The following UGT1A6 variants were observed in gnomAD, a reference collection of about 807,000 sequenced individuals.
The protein encoded by UGT1A6 is UDP-glucuronosyltransferase 1A6.
A neutral mutation model predicts 44.4 loss-of-function variants in UGT1A6; 32 were observed. The ratio of observed to expected loss-of-function variants is 0.72; its 90% confidence interval spans 0.54 to 0.97. The LOEUF (loss-of-function observed/expected upper bound fraction) is 0.97. Ranked by LOEUF, UGT1A6 falls within the 50% of genes least tolerant of loss-of-function variation. UGT1A6 has a pLI of 0.00. For synonymous variants in UGT1A6, 238 were observed against 248.5 expected, an observed-to-expected ratio of 0.96 and a Z score of 0.40; for missense variants, 685 against 661.9, an observed-to-expected ratio of 1.03 and a Z score of -0.38.
Position 233,768,285 on chromosome 2 carries a change from A to G in UGT1A6, c.1147A>G (p.Asn383Asp), listed in dbSNP as rs777289979. 6 of 1,614,202 alleles carry G rather than the reference A, an allele frequency of 3.7e-6. No individual in the cohort carries two copies. In the South Asian group the frequency reaches 6.6e-5, roughly 18 times the overall value. ...GSHGVYESIC[N>D]GVPMVMMPLF... is the part of the protein sequence containing the mutation. ...CCATGGTGTTTATGAAAGCATATGC[A>G]ATGGCGTTCCCATGGTGATGATGCC... Residue 383 changes from asparagine to aspartate, a missense_variant, in exon 4 of 5, where the codon AAT becomes GAT. By Grantham distance (23) the Asn-to-Asp change is conservative. Coordinates refer to ENST00000305139, the MANE Select transcript of UGT1A6 (RefSeq NM_001072.4).
At chr2:233,748,007 C>T (rs1468299644) in intron 1 of UGT1A6, 2 of 1,613,408 alleles carry the variant, frequency 1.2e-6, no homozygotes, top group Admixed American at 1.7e-5. Context: ...TGATGGATTA[C>T]CCCAGGCCGA....
chr2:233,743,310 G>T, intron 1 of UGT1A6: 2 of 644,780 alleles, frequency 3.1e-6, no homozygotes, highest in Non-Finnish European at 5.0e-6. Context: ...TCTTGGTGGT[G>T]ATTTTTTTAC....
intron 1 of UGT1A6, among the ~76,000 whole-genome samples, chr2:233,761,639 G>A (rs1340532947): frequency 3.9e-5 from 6 of 152,230 alleles, no homozygotes; most frequent in Non-Finnish European, 5.9e-5. Context: ...CCTGCAGTCC[G>A]TTCTCTTCTA....
intron 2 of UGT1A6, 73 bp from the exon 3 acceptor site, chr2:233,767,776 G>A: frequency 1.2e-6 from 2 of 1,612,490 alleles, no homozygotes; most frequent in Admixed American, 1.7e-5. Context: ...CTGTTTTCTA[G>A]TTAGTATAGC....
intron 1 of UGT1A6, among the ~76,000 whole-genome samples, chr2:233,738,477 G>C (rs971989724): frequency 6.6e-6 from 1 of 152,224 alleles, no homozygotes; most frequent in African/African-American, 2.4e-5. Context: ...GAACTTCCTG[G>C]AGACTTGTTG....
chr2:233,761,218 C>T (rs1697719268), intron 1 of UGT1A6: 4 of 1,613,576 alleles, frequency 2.5e-6, no homozygotes, highest in Middle Eastern at 1.6e-4. Flanking sequence ...GATCGATTAA[C>T]TAGCCCCAGA....
At chr2:233,757,553 T>TATATATATATATATACATATAC (rs1164104376) in intron 1 of UGT1A6, among the ~76,000 whole-genome samples, 4 of 136,130 alleles carry the variant, frequency 2.9e-5, no homozygotes, top group Admixed American at 7.1e-5. Context: ...TATATATATA[T>TATATATATATATATACATATAC]ATATATATGT....
chr2:233,710,917 C>T (rs1215243421), intron 1 of UGT1A6, among the ~76,000 whole-genome samples: 1 of 152,212 alleles, frequency 6.6e-6, no homozygotes, highest in Non-Finnish European at 1.5e-5. Context: ...GGTCTTTAGA[C>T]CACTTAGTCT....
chr2:233,713,306 T>A, intron 1 of UGT1A6: 1 of 1,614,234 alleles, frequency 6.2e-7, no homozygotes, highest in Non-Finnish European at 8.5e-7. Flanking sequence ...AAACAGAACA[T>A]CTTCTGATGA....
intron 1 of UGT1A6, among the ~76,000 whole-genome samples, chr2:233,724,475 T>C (rs568755731): frequency 9.3e-4 from 64 of 68,704 alleles, no homozygotes; most frequent in Middle Eastern, 7.8e-3. Flanking sequence ...GGCTCCTCAC[T>C]TCTCAGACGG....
rs3064744 is a variant in UGT1A6, at chr2:233,760,233, C to CAT, written c.862-6787_862-6786dup. 448,036 of 1,466,600 alleles carry CAT rather than the reference C, an allele frequency of 0.31. 31,217 individuals are homozygous for CAT. The highest frequency in any genetic ancestry group is 0.38 in the African/African-American group (27,001 of 71,942). The allele number at this position is 1,466,600 out of a possible 1,614,324, so 90.8% of individuals were successfully genotyped here. ...ACTTGGTGTATCGATTGGTTTTTGC[C>CAT]ATATATATATATATAAGTAGGAGAG... On this transcript the variant is annotated intron_variant, in intron 1 of 4. Coordinates refer to ENST00000305139, the MANE Select transcript of UGT1A6 (RefSeq NM_001072.4).
At chr2:233,724,292 C>T (rs1379070155) in intron 1 of UGT1A6, among the ~76,000 whole-genome samples, 3 of 129,054 alleles carry the variant, frequency 2.3e-5, no homozygotes, top group African/African-American at 9.1e-5. Context: ...GGGGGGCTGA[C>T]CCCCCCACCT....
intron 1 of UGT1A6, chr2:233,719,812 C>G: frequency 6.3e-7 from 1 of 1,587,558 alleles, no homozygotes; most frequent in South Asian, 1.1e-5. Context: ...TTCTTTATAA[C>G]AGATAAACTG....
chr2:233,769,491 G>A lies in UGT1A6; in HGVS notation c.1301+1052G>A. 1 of 1,612,664 alleles carries A rather than the reference G, an allele frequency of 6.2e-7. No individual in the cohort carries two copies. The highest frequency in any genetic ancestry group is 8.5e-7 in the Non-Finnish European group (1 of 1,179,770). On this transcript the variant is annotated intron_variant, in intron 4 of 4. Coordinates refer to ENST00000305139, the MANE Select transcript of UGT1A6 (RefSeq NM_001072.4). This position sits in a 1 kb window ranked among gnomAD's most constrained non-coding sequence, Gnocchi z 4.4. Reference sequence around the variant, plus strand: ...TGTGTGTGTGTGTGCGTGTGTTTATGAGAGTGTCCATTGCTTTCTCCCATG... The same window carrying A: ...TGTGTGTGTGTGTGCGTGTGTTTATAAGAGTGTCCATTGCTTTCTCCCATG...
At chr2:233,766,011 C>T (rs921466084) in intron 1 of UGT1A6, among the ~76,000 whole-genome samples, 4 of 152,188 alleles carry the variant, frequency 2.6e-5, no homozygotes, top group African/African-American at 9.6e-5. Context: ...TGGGTTATGG[C>T]CTTCTTTTAG....
rs1474045639 is a variant in UGT1A6, at chr2:233,692,916, A to G, written c.-89A>G. 1 of 1,563,928 alleles carries G rather than the reference A, an allele frequency of 6.4e-7. No individual in the cohort carries two copies. The highest frequency in any genetic ancestry group is 1.4e-5 in the African/African-American group (1 of 73,160). ...GAGGTAGACAGGACCTGTGAAAAGC[A>G]GTGGTTAGTTTAGGGAAAATACCTA... On this transcript the variant is annotated 5_prime_UTR_variant, in exon 1 of 5. Coordinates refer to ENST00000305139, the MANE Select transcript of UGT1A6 (RefSeq NM_001072.4).
chr2:233,746,674 G>T (rs1328656193), intron 1 of UGT1A6, among the ~76,000 whole-genome samples: 1 of 151,722 alleles, frequency 6.6e-6, no homozygotes, highest in South Asian at 2.1e-4. Context: ...TAGCATAGTA[G>T]GTAGGGCTCA....
chr2:233,706,281 G>A (rs539099269), intron 1 of UGT1A6, among the ~76,000 whole-genome samples: 2 of 152,046 alleles, frequency 1.3e-5, no homozygotes, highest in Admixed American at 1.3e-4. Flanking sequence ...CTCAGGGGTG[G>A]GGCCCAGTGC....
chr2:233,716,902 C>A (rs2076532404), intron 1 of UGT1A6, among the ~76,000 whole-genome samples: 1 of 152,154 alleles, frequency 6.6e-6, no homozygotes, highest in African/African-American at 2.4e-5. Context: ...TCCTCATCTC[C>A]AGACCCTGGA....
Sources: gnomAD v4.1 joint callset for allele counts (sites outside exome capture counted in the v4.1 genomes callset) on GRCh38, gnomAD v4.1.1 for gene constraint, Gnocchi (gnomAD v3.1) non-coding constraint, MANE v1.5 for transcripts, NCBI Gene and HGNC (gene_info 2026-07-23, HGNC 2026-07-21) for gene names.